ARHGAP24: variants seen among roughly 807,000 people sequenced by gnomAD.
The protein encoded by ARHGAP24 is Rho GTPase activating protein 24.
In ARHGAP24, 50 loss-of-function variants were observed where a neutral mutation model predicts 76.4. The observed-to-expected ratio is 0.65, with a 90% CI of 0.52 to 0.83. ARHGAP24 has a LOEUF of 0.83. Among genes scored for constraint, ARHGAP24 ranks in the 40% least tolerant of loss-of-function variants. ARHGAP24 has a pLI of 0.00. For missense variants in ARHGAP24, 930 were observed against 914.2 expected (o/e 1.02, Z -0.22); for synonymous variants, 345 against 323.3 (o/e 1.07, Z -0.72).
At chr4:85,846,567 T>C (rs1353018797) in intron 3 of ARHGAP24, among the ~76,000 whole-genome samples, 1 of 152,224 alleles carries the variant, frequency 6.6e-6, no homozygotes, top group Admixed American at 6.5e-5. Context: ...GATAAAACTA[T>C]AAAACAATCA....
intron 4 of ARHGAP24, among the ~76,000 whole-genome samples, chr4:85,933,565 C>T (rs1200122878): frequency 1.3e-5 from 2 of 152,102 alleles, no homozygotes; most frequent in Non-Finnish European, 2.9e-5. Context: ...AATCCAGGAA[C>T]CAAGAAACAT....
intron 2 of ARHGAP24, among the ~76,000 whole-genome samples, chr4:85,645,672 A>G (rs1431460950): frequency 6.6e-6 from 1 of 152,086 alleles, no homozygotes; most frequent in Non-Finnish European, 1.5e-5. Flanking sequence ...TTTTAACCGT[A>G]AAAAGAAGCA....
chr4:85,588,848 G>A (rs894646083), intron 2 of ARHGAP24, among the ~76,000 whole-genome samples: 1 of 152,164 alleles, frequency 6.6e-6, no homozygotes, highest in Non-Finnish European at 1.5e-5. Flanking sequence ...GACAGTTATT[G>A]TTGAAGACTT....
At chr4:85,640,772 A>G (rs1721491667) in intron 2 of ARHGAP24, among the ~76,000 whole-genome samples, 1 of 152,192 alleles carries the variant, frequency 6.6e-6, no homozygotes, top group Non-Finnish European at 1.5e-5. Flanking sequence ...CTTTAAGTGC[A>G]TTTATGGCTT....
intron 8 of ARHGAP24, among the ~76,000 whole-genome samples, chr4:85,993,840 C>A (rs1403882901): frequency 1.3e-5 from 2 of 152,092 alleles, no homozygotes; most frequent in East Asian, 3.9e-4. Flanking sequence ...TGAGATTCAG[C>A]CATTTTTCTT....
intron 4 of ARHGAP24, chr4:85,930,505 G>A: frequency 2.0e-6 from 2 of 1,000,762 alleles, no homozygotes; most frequent in Non-Finnish European, 1.2e-6. Context: ...CTTTCCTCTT[G>A]CACAGAGCTA....
At chr4:85,708,832 C>T (rs1342383867) in intron 2 of ARHGAP24, among the ~76,000 whole-genome samples, 1 of 152,106 alleles carries the variant, frequency 6.6e-6, no homozygotes, top group African/African-American at 2.4e-5. Flanking sequence ...ATAAATTCTC[C>T]TGGGAGAATA....
chr4:85,538,970 T>C (rs1725577361), intron 1 of ARHGAP24, among the ~76,000 whole-genome samples: 1 of 152,226 alleles, frequency 6.6e-6, no homozygotes, highest in East Asian at 1.9e-4. Context: ...AGAATTCGTT[T>C]CCACTTTTCT....
chr4:85,724,648 G>A (rs562434410), intron 3 of ARHGAP24, among the ~76,000 whole-genome samples: 213 of 151,730 alleles, frequency 1.4e-3, no homozygotes, highest in African/African-American at 4.9e-3. Flanking sequence ...TCAGGTCTTT[G>A]TGTATTACTT....
chr4:85,785,633 A>G (rs916193177), intron 3 of ARHGAP24, among the ~76,000 whole-genome samples: 1 of 152,056 alleles, frequency 6.6e-6, no homozygotes, highest in African/African-American at 2.4e-5. Flanking sequence ...ATTTATTCTT[A>G]GTGTCACAAA....
chr4:85,796,982 T>C (rs962404009), intron 3 of ARHGAP24, among the ~76,000 whole-genome samples: 2 of 151,922 alleles, frequency 1.3e-5, no homozygotes, highest in Non-Finnish European at 2.9e-5. Flanking sequence ...CTGAGGAAGG[T>C]GTGTACACTG....
At chr4:85,977,465 C>G in intron 7 of ARHGAP24, 105 bp from the exon 8 acceptor site, 1 of 1,295,636 alleles carries the variant, frequency 7.7e-7, no homozygotes, top group Non-Finnish European at 1.1e-6. Context: ...TCTCCATAGT[C>G]ATCTTTGAAC....
chr4:85,843,965 G>A (rs1420193988), intron 3 of ARHGAP24, among the ~76,000 whole-genome samples: 1 of 152,090 alleles, frequency 6.6e-6, no homozygotes, highest in African/African-American at 2.4e-5. Context: ...TAAGTAGAAT[G>A]TGTGACACAA....
intron 2 of ARHGAP24, among the ~76,000 whole-genome samples, chr4:85,684,110 G>A (rs1723334985): frequency 6.6e-6 from 1 of 152,140 alleles, no homozygotes; most frequent in Admixed American, 6.5e-5. Flanking sequence ...TTTGAGATAA[G>A]TACCCAGAAG....
At chr4:85,531,851 A>G (rs1725269778) in intron 1 of ARHGAP24, among the ~76,000 whole-genome samples, 1 of 152,070 alleles carries the variant, frequency 6.6e-6, no homozygotes, top group Non-Finnish European at 1.5e-5. Flanking sequence ...TTCAAAGTCC[A>G]TCGTCTCTCC....
intron 3 of ARHGAP24, among the ~76,000 whole-genome samples, chr4:85,903,623 A>C (rs1382787092): frequency 6.6e-6 from 1 of 152,172 alleles, no homozygotes; most frequent in African/African-American, 2.4e-5. Flanking sequence ...ATATATAAAA[A>C]GGATATTTAA....
chr4:85,666,379 C>G (rs140943401), intron 2 of ARHGAP24, among the ~76,000 whole-genome samples: 1 of 152,268 alleles, frequency 6.6e-6, no homozygotes, highest in Non-Finnish European at 1.5e-5. Flanking sequence ...ATTGGTTATT[C>G]TAGTTATACA....
intron 1 of ARHGAP24, among the ~76,000 whole-genome samples, chr4:85,489,520 T>C (rs1723276339): frequency 1.3e-5 from 2 of 152,214 alleles, no homozygotes; most frequent in Admixed American, 6.5e-5. Context: ...ATAGAGCCAG[T>C]TGGCCCTGCA....
In ARHGAP24 at chr4:85,569,279, G is replaced by A. The variant is rs115867526; in HGVS notation, c.-20-1243G>A. Among the ~76,000 whole-genome samples, 533 of 152,254 alleles carry A rather than the reference G, an allele frequency of 3.5e-3. 2 individuals are homozygous for A. Among genetic ancestry groups the A allele is most frequent in the African/African-American group, 0.012 (496 of 41,546 alleles). ...ATATGCCTGGACAGGAATAATCTAC[G>A]TTTTATCAGATAATCAATATCTTTA... On this transcript the variant is annotated intron_variant, in intron 1 of 9. Coordinates refer to ENST00000395184, the MANE Select transcript of ARHGAP24 (RefSeq NM_001025616.3).
Sources: allele counts gnomAD v4.1 joint callset (sites outside exome capture counted in the v4.1 genomes callset), GRCh38; gene constraint gnomAD v4.1.1; transcripts MANE v1.5; gene names NCBI Gene and HGNC (gene_info 2026-07-23, HGNC 2026-07-21).